SPAG16: variants seen among roughly 807,000 people sequenced by gnomAD.
The protein encoded by SPAG16 is sperm associated antigen 16, also known as sperm-associated antigen 16 protein.
SPAG16 carries 86 observed loss-of-function variants against 80.4 expected under a neutral mutation model. That is an observed-to-expected ratio of 1.07 (90% CI 0.90 to 1.28). SPAG16 has a LOEUF of 1.28. SPAG16 is among the 50% of genes most tolerant of loss of function. The pLI is 0.00. For synonymous variants in SPAG16, 294 were observed against 265.9 expected (o/e 1.11, Z -1.03); for missense variants, 870 against 765.3 (o/e 1.14, Z -1.61).
intron 10 of SPAG16, among the ~76,000 whole-genome samples, chr2:213,544,213 G>A (rs898644620): frequency 6.6e-6 from 1 of 151,468 alleles, no homozygotes; most frequent in Non-Finnish European, 1.5e-5. Context: ...TATTAAATTG[G>A]CATTTTAATT....
chr2:213,464,888 G>A (rs770926382), intron 9 of SPAG16, among the ~76,000 whole-genome samples: 3 of 152,146 alleles, frequency 2.0e-5, no homozygotes, highest in Non-Finnish European at 4.4e-5. Flanking sequence ...TAGCTGAAAG[G>A]TATATCCTTG....
chr2:213,438,527 A>G (rs1489988474), intron 9 of SPAG16, among the ~76,000 whole-genome samples: 3 of 152,216 alleles, frequency 2.0e-5, no homozygotes, highest in African/African-American at 4.8e-5. Flanking sequence ...AGTACTGACA[A>G]TGTTACCCAC....
At chr2:213,550,656 A>G (rs920533919) in intron 10 of SPAG16, among the ~76,000 whole-genome samples, 1 of 152,082 alleles carries the variant, frequency 6.6e-6, no homozygotes, top group Non-Finnish European at 1.5e-5. Context: ...TTAAACTTAT[A>G]TGTAGTTATT....
At chr2:213,337,170 A>G (rs770590644) in intron 5 of SPAG16, among the ~76,000 whole-genome samples, 3 of 152,164 alleles carry the variant, frequency 2.0e-5, no homozygotes, top group Admixed American at 6.5e-5. Flanking sequence ...AAAACAGAAA[A>G]CAACAACAAC....
intron 10 of SPAG16, among the ~76,000 whole-genome samples, chr2:213,739,204 G>C (rs181524013): frequency 1.3e-5 from 2 of 152,220 alleles, no homozygotes; most frequent in Admixed American, 1.3e-4. Flanking sequence ...TTCCCACGTA[G>C]CCTCAGTAGG....
intron 15 of SPAG16, among the ~76,000 whole-genome samples, chr2:214,370,754 CAA>C (rs1444035580): frequency 3.3e-5 from 5 of 152,264 alleles, no homozygotes; most frequent in Middle Eastern, 3.4e-3. Flanking sequence ...AGACGTTTGT[CAA>C]AGAGTACAAG....
intron 10 of SPAG16, among the ~76,000 whole-genome samples, chr2:213,705,262 A>AAG (rs72209225): frequency 1.4e-5 from 2 of 145,900 alleles, no homozygotes; most frequent in Non-Finnish European, 3.0e-5. Context: ...ATAAGAAAGA[A>AAG]AGAGAGAGAG....
chr2:214,265,110 A>AT (rs1484662917), intron 15 of SPAG16, among the ~76,000 whole-genome samples: 1 of 152,166 alleles, frequency 6.6e-6, no homozygotes, highest in Admixed American at 6.6e-5. Context: ...AACTCTTTTG[A>AT]GTAAACGCTT....
At chr2:213,512,269 G>C (rs2075258985) in intron 10 of SPAG16, among the ~76,000 whole-genome samples, 1 of 152,106 alleles carries the variant, frequency 6.6e-6, no homozygotes, top group Non-Finnish European at 1.5e-5. Flanking sequence ...TACATTTACT[G>C]ATTTTTCTGT....
At chr2:214,069,277 C>T (rs2050675758) in intron 13 of SPAG16, among the ~76,000 whole-genome samples, 1 of 152,090 alleles carries the variant, frequency 6.6e-6, no homozygotes, top group African/African-American at 2.4e-5. Context: ...TAATTTTTCC[C>T]TAGAAACACC....
intron 15 of SPAG16, among the ~76,000 whole-genome samples, chr2:214,265,890 C>T (rs970885899): frequency 2.6e-5 from 4 of 152,068 alleles, no homozygotes; most frequent in African/African-American, 9.6e-5. Context: ...CAACCAATCA[C>T]TGTTTGATCC....
At chr2:213,594,624 A>G (rs1281196030) in intron 10 of SPAG16, among the ~76,000 whole-genome samples, 1 of 152,162 alleles carries the variant, frequency 6.6e-6, no homozygotes, top group Non-Finnish European at 1.5e-5. Flanking sequence ...GGGTTTCACT[A>G]AGTGATTACT....
intron 10 of SPAG16, among the ~76,000 whole-genome samples, chr2:213,675,700 T>G (rs537489681): frequency 1.3e-5 from 2 of 151,498 alleles, no homozygotes; most frequent in African/African-American, 2.4e-5. Context: ...AGTTGTAGAT[T>G]TGTGGCGTTA....
chr2:213,955,481 A>G (rs1259907745), intron 12 of SPAG16, among the ~76,000 whole-genome samples: 2 of 152,210 alleles, frequency 1.3e-5, no homozygotes, highest in Non-Finnish European at 2.9e-5. Context: ...CTTGTTGAAA[A>G]TCATTTAACT....
intron 11 of SPAG16, among the ~76,000 whole-genome samples, chr2:213,872,278 T>C (rs10198811): frequency 0.59 from 90,291 of 151,868 alleles, 28,715 homozygotes; most frequent in South Asian, 0.85. Flanking sequence ...TTGACTTCAA[T>C]CCAATGAAAC....
chr2:213,449,036 C>A (rs1411147083), intron 9 of SPAG16, among the ~76,000 whole-genome samples: 1 of 152,086 alleles, frequency 6.6e-6, no homozygotes, highest in African/African-American at 2.4e-5. Context: ...AAATTCTTTT[C>A]CTAGCAAGGA....
intron 4 of SPAG16, among the ~76,000 whole-genome samples, chr2:213,311,215 A>AT (rs2063174421): frequency 6.6e-6 from 1 of 151,726 alleles, no homozygotes; most frequent in African/African-American, 2.4e-5. Flanking sequence ...AGTGTGAATT[A>AT]TTTAAAATAA....
chr2:213,947,114 T>C (rs1180378874), intron 12 of SPAG16, among the ~76,000 whole-genome samples: 1 of 152,188 alleles, frequency 6.6e-6, no homozygotes, highest in African/African-American at 2.4e-5. Context: ...ATATCTGGAA[T>C]ATTTCCAGTT....
At chr2:213,970,406 A>T (rs1455917514) in intron 12 of SPAG16, among the ~76,000 whole-genome samples, 1 of 152,004 alleles carries the variant, frequency 6.6e-6, no homozygotes, top group East Asian at 1.9e-4. Flanking sequence ...AACTCAAGTG[A>T]TCTGCCCACC....
Sources: allele counts gnomAD v4.1 joint callset (sites outside exome capture counted in the v4.1 genomes callset), GRCh38; gene constraint gnomAD v4.1.1; transcripts MANE v1.5; gene names NCBI Gene and HGNC (gene_info 2026-07-23, HGNC 2026-07-21).